The following SLC28A3 variants were observed in gnomAD, a reference collection of about 807,000 sequenced individuals.
The protein encoded by SLC28A3 is solute carrier family 28 member 3.
A neutral mutation model predicts 84.2 loss-of-function variants in SLC28A3; 68 were observed. The observed-to-expected ratio is 0.81, with a 90% CI of 0.66 to 0.99. The LOEUF (loss-of-function observed/expected upper bound fraction) is 0.99, where lower values mean the gene tolerates loss of function less well. SLC28A3 is among the 50% of genes least tolerant of loss of function. SLC28A3 has a pLI of 0.00. For synonymous variants in SLC28A3, 267 were observed against 303.6 expected (o/e 0.88, Z 1.25); for missense variants, 712 against 841.5 (o/e 0.85, Z 1.90).
chr9:84,309,196 G>A (rs1369985421), intron 3 of SLC28A3, among the ~76,000 whole-genome samples: 3 of 152,042 alleles, frequency 2.0e-5, no homozygotes, highest in Non-Finnish European at 4.4e-5. Flanking sequence ...GATGGGTGGT[G>A]ACAATCTCTA....
intron 11 of SLC28A3, among the ~76,000 whole-genome samples, chr9:84,288,461 C>T (rs1464608128): frequency 1.3e-5 from 2 of 152,156 alleles, no homozygotes; most frequent in African/African-American, 2.4e-5. Context: ...AAGAATTAAT[C>T]CTGTGTTGTG....
chr9:84,300,445 C>T (rs752594561), intron 5 of SLC28A3, among the ~76,000 whole-genome samples: 6 of 152,150 alleles, frequency 3.9e-5, no homozygotes, highest in Non-Finnish European at 5.9e-5. Context: ...ACCTCACCAG[C>T]GGCCGAGAGG....
intron 1 of SLC28A3, among the ~76,000 whole-genome samples, chr9:84,339,074 C>G (rs190019089): frequency 2.5e-4 from 38 of 152,234 alleles, no homozygotes; most frequent in Admixed American, 2.3e-3. Flanking sequence ...CCCTTATCTT[C>G]CATTATTTCC....
chr9:84,286,193 G>C, intron 12 of SLC28A3, 82 bp from the exon 13 acceptor site: 2 of 1,382,988 alleles, frequency 1.4e-6, no homozygotes, highest in Non-Finnish European at 2.0e-6. Flanking sequence ...AGCATAATCA[G>C]AGCTTAGATA....
At chr9:84,357,018 C>T in the SLC28A3 span, among the ~76,000 whole-genome samples, 14 of 152,094 alleles carry the variant, frequency 9.2e-5, no homozygotes, top group African/African-American at 3.4e-4. Flanking sequence ...TAGCACACAT[C>T]CCCTTGTAAA....
At chr9:84,279,426 G>C (rs192232792) in intron 16 of SLC28A3, 41 bp from the exon 17 acceptor site, 1 of 1,360,072 alleles carries the variant, frequency 7.4e-7, no homozygotes, top group Non-Finnish European at 9.6e-7. Context: ...TTATTTTTTA[G>C]TTTTATTTAT....
At chr9:84,291,468 C>G (rs1825219514) in intron 10 of SLC28A3, among the ~76,000 whole-genome samples, 2 of 152,304 alleles carry the variant, frequency 1.3e-5, no homozygotes, top group Admixed American at 1.3e-4. Flanking sequence ...TCCTGAGTAG[C>G]TGGGATTCCA....
At chr9:84,302,096 C>T in intron 5 of SLC28A3, 104 bp downstream of exon 5, 2 of 1,084,776 alleles carry the variant, frequency 1.8e-6, no homozygotes, top group Non-Finnish European at 2.7e-6. Context: ...TTCTAGCTTC[C>T]ATATCCCATA....
At chr9:84,313,978 T>C (rs1026548327) in intron 1 of SLC28A3, among the ~76,000 whole-genome samples, 4 of 152,120 alleles carry the variant, frequency 2.6e-5, no homozygotes, top group Non-Finnish European at 4.4e-5. Context: ...ATGAGGACAA[T>C]TGCCCTCATC....
Position 84,309,184 on chromosome 9 carries a change from T to C in SLC28A3, c.242+445A>G, listed in dbSNP as rs574949905. Among the ~76,000 whole-genome samples the C allele has an allele frequency of 2.5e-4, 38 of 152,236 alleles. No individual in the cohort carries two copies. In the East Asian group the frequency reaches 6.4e-3, roughly 26 times the overall value. The stretch of plus-strand genomic sequence containing the variant: ...AGGGGTGTTGGGTAGGGAGGGTAGA[T>C]GGATGGGTGGTGACAATCTCTAATA... On this transcript the variant is annotated intron_variant, in intron 3 of 17. Transcript: ENST00000376238.
intron 1 of SLC28A3, among the ~76,000 whole-genome samples, chr9:84,334,585 A>G (rs996806247): frequency 5.9e-5 from 9 of 151,436 alleles, no homozygotes; most frequent in Non-Finnish European, 1.3e-4. Flanking sequence ...TAAGTTGTAT[A>G]TTTGTTTTTA....
intron 1 of SLC28A3, among the ~76,000 whole-genome samples, chr9:84,336,201 CA>C (rs1228612770): frequency 6.6e-6 from 1 of 151,928 alleles, no homozygotes; most frequent in African/African-American, 2.4e-5. Flanking sequence ...CCGATTTCTA[CA>C]AAAAAATACA....
upstream of SLC28A3, chr9:84,340,790 A>G: frequency 1.7e-6 from 1 of 575,046 alleles, no homozygotes; most frequent in Non-Finnish European, 3.0e-6. Context: ...CTGAATGACT[A>G]GGGCTGACAC....
intron 1 of SLC28A3, among the ~76,000 whole-genome samples, chr9:84,336,004 C>G (rs934194269): frequency 1.3e-5 from 2 of 151,828 alleles, no homozygotes; most frequent in Non-Finnish European, 2.9e-5. Flanking sequence ...AACGGATGTC[C>G]CAGCCACACA....
intron 1 of SLC28A3, among the ~76,000 whole-genome samples, chr9:84,325,218 T>C (rs1317728566): frequency 6.6e-6 from 1 of 152,044 alleles, no homozygotes; most frequent in East Asian, 1.9e-4. Context: ...TTTAATGGAG[T>C]CCTGTCTTGG....
chr9:84,312,500 A>C (rs1431761628), intron 2 of SLC28A3, among the ~76,000 whole-genome samples: 1 of 151,974 alleles, frequency 6.6e-6, no homozygotes, highest in African/African-American at 2.4e-5. Flanking sequence ...TACCACGAGA[A>C]AACTCCTCAC....
intron 10 of SLC28A3, 140 bp from the exon 11 acceptor site, chr9:84,290,419 C>A: frequency 9.7e-7 from 1 of 1,025,806 alleles, no homozygotes; most frequent in Non-Finnish European, 1.3e-6. Context: ...ATCAGCGTCA[C>A]CTGGAAACTC....
chr9:84,323,680 C>A (rs117701555), intron 1 of SLC28A3, among the ~76,000 whole-genome samples: 1 of 152,164 alleles, frequency 6.6e-6, no homozygotes, highest in East Asian at 1.9e-4. Context: ...CCCTCAGCCT[C>A]CCAAAGTGCT....
the SLC28A3 span, among the ~76,000 whole-genome samples, chr9:84,357,489 T>C: frequency 2.6e-5 from 4 of 151,888 alleles, no homozygotes; most frequent in African/African-American, 9.7e-5. Flanking sequence ...GGAATCTGGA[T>C]TCCCTGGCCT....
Sources: gnomAD v4.1 joint callset for allele counts (sites outside exome capture counted in the v4.1 genomes callset) on GRCh38, gnomAD v4.1.1 for gene constraint, MANE v1.5 for transcripts, NCBI Gene and HGNC (gene_info 2026-07-23, HGNC 2026-07-21) for gene names.